The following KCNIP4 variants were observed in gnomAD, a reference collection of about 807,000 sequenced individuals.
KCNIP4 encodes Kv channel-interacting protein 4.
KCNIP4 carries 12 observed loss-of-function variants against 34.0 expected under a neutral mutation model. That is an observed-to-expected ratio of 0.35 (90% confidence interval 0.23 to 0.57). The LOEUF is 0.57. KCNIP4 is among the 20% of genes least tolerant of loss of function. The pLI is 0.83. For missense variants in KCNIP4, 238 were observed against 311.7 expected (o/e 0.76, Z 1.78); for synonymous variants, 124 against 102.2 (o/e 1.21, Z -1.29).
chr4:20,782,878 A>G (rs1306699542), intron 3 of KCNIP4, among the ~76,000 whole-genome samples: 2 of 152,148 alleles, frequency 1.3e-5, no homozygotes, highest in Non-Finnish European at 2.9e-5. Context: ...TCAGGCTGCA[A>G]ATTTTCCAAA....
intron 1 of KCNIP4, among the ~76,000 whole-genome samples, chr4:21,633,188 G>A (rs993953650): frequency 6.6e-6 from 1 of 152,278 alleles, no homozygotes; most frequent in South Asian, 2.1e-4. Context: ...TAACAGCTAT[G>A]TAAGGCATCT....
chr4:21,611,435 A>T (rs902209848), intron 1 of KCNIP4, among the ~76,000 whole-genome samples: 22 of 151,936 alleles, frequency 1.4e-4, no homozygotes, highest in African/African-American at 4.8e-4. Flanking sequence ...TGATCCAATC[A>T]CCTCCCATCA....
intron 1 of KCNIP4, among the ~76,000 whole-genome samples, chr4:21,321,097 A>G (rs1714360535): frequency 6.6e-6 from 1 of 152,138 alleles, no homozygotes; most frequent in African/African-American, 2.4e-5. Flanking sequence ...ATCTACTTCA[A>G]AAGACCTCAG....
At chr4:21,774,054 G>C (rs1295673333) in intron 1 of KCNIP4, among the ~76,000 whole-genome samples, 1 of 151,860 alleles carries the variant, frequency 6.6e-6, no homozygotes, top group African/African-American at 2.4e-5. Context: ...ATATGTTGCT[G>C]TTTTTGCGGT....
intron 1 of KCNIP4, among the ~76,000 whole-genome samples, chr4:20,959,055 G>T (rs535458421): frequency 2.6e-5 from 4 of 152,310 alleles, no homozygotes; most frequent in African/African-American, 9.6e-5. Flanking sequence ...AGATGGAAAA[G>T]GTTCCATTTA....
intron 1 of KCNIP4, among the ~76,000 whole-genome samples, chr4:21,927,349 T>C (rs1729308132): frequency 6.6e-6 from 1 of 152,138 alleles, no homozygotes; most frequent in African/African-American, 2.4e-5. Context: ...TATGGACATC[T>C]TTGGAGGCCC....
intron 1 of KCNIP4, among the ~76,000 whole-genome samples, chr4:21,693,288 C>T (rs551757575): frequency 5.9e-5 from 9 of 152,266 alleles, no homozygotes; most frequent in African/African-American, 9.6e-5. Context: ...AGGCTGGGCA[C>T]GGTGGCTCAT....
chr4:21,720,069 A>G (rs905219365), intron 1 of KCNIP4, among the ~76,000 whole-genome samples: 27 of 151,482 alleles, frequency 1.8e-4, no homozygotes, highest in Admixed American at 1.1e-3. Flanking sequence ...AGAAGAAGAA[A>G]AAAAAAACAG....
chr4:21,251,875 G>T (rs1216038405), intron 1 of KCNIP4, among the ~76,000 whole-genome samples: 1 of 147,672 alleles, frequency 6.8e-6, no homozygotes, highest in Non-Finnish European at 1.5e-5. Flanking sequence ...GGTGTGGGGA[G>T]GGGGGAGGGA....
intron 1 of KCNIP4, among the ~76,000 whole-genome samples, chr4:21,247,394 A>G (rs1431332285): frequency 6.6e-6 from 1 of 151,888 alleles, no homozygotes; most frequent in African/African-American, 2.4e-5. Flanking sequence ...ACTCTTCTCT[A>G]TAGGAGGGTA....
chr4:21,234,611 C>T lies in KCNIP4; in HGVS notation c.62-351902G>A, dbSNP rs987468430. Among the ~76,000 whole-genome samples the T allele has an allele frequency of 3.6e-5, 5 of 138,406 alleles. 1 individual carries two copies. The highest frequency in any genetic ancestry group is 2.2e-4 in the South Asian group (1 of 4,618). 90.8% of individuals were successfully genotyped at this position (138,406 alleles called of 152,430 possible). A position where few individuals can be genotyped will look rare whatever the true frequency, so the allele number is the denominator to read the frequency against. On this transcript the variant is annotated intron_variant, in intron 1 of 8. Coordinates refer to ENST00000382152, the MANE Select transcript of KCNIP4 (RefSeq NM_025221.6). ...CGTATATAATATATATTACATATAACGTATATAATATATATTACATATAAC... is the reference window on the plus strand; with the variant it reads ...CGTATATAATATATATTACATATAATGTATATAATATATATTACATATAAC...
At chr4:21,100,588 C>T (rs1376887066) in intron 1 of KCNIP4, among the ~76,000 whole-genome samples, 4 of 151,884 alleles carry the variant, frequency 2.6e-5, no homozygotes, top group Non-Finnish European at 4.4e-5. Flanking sequence ...TTGCCACAGC[C>T]ACACAACCTT....
At chr4:21,815,123 CA>C (rs1721912870) in intron 1 of KCNIP4, among the ~76,000 whole-genome samples, 1 of 152,042 alleles carries the variant, frequency 6.6e-6, no homozygotes, top group Non-Finnish European at 1.5e-5. Context: ...TCGTGTACAC[CA>C]GGTTAAGGTG....
intron 1 of KCNIP4, among the ~76,000 whole-genome samples, chr4:20,929,574 T>C (rs780098732): frequency 6.6e-6 from 1 of 151,850 alleles, no homozygotes; most frequent in Non-Finnish European, 1.5e-5. Flanking sequence ...AGCATTTAAG[T>C]CAGAAAGAAG....
chr4:21,182,957 T>G (rs962863282), intron 1 of KCNIP4, among the ~76,000 whole-genome samples: 1 of 152,132 alleles, frequency 6.6e-6, no homozygotes. Flanking sequence ...CTCTAAGTTA[T>G]TCCTCCTATC....
At chr4:21,885,764 T>C (rs1284096046) in intron 1 of KCNIP4, among the ~76,000 whole-genome samples, 1 of 152,172 alleles carries the variant, frequency 6.6e-6, no homozygotes, top group Non-Finnish European at 1.5e-5. Context: ...ATAAAATAGA[T>C]TGCTAGTTTG....
intron 1 of KCNIP4, among the ~76,000 whole-genome samples, chr4:20,913,099 T>C (rs1326527800): frequency 6.6e-6 from 1 of 152,116 alleles, no homozygotes; most frequent in Non-Finnish European, 1.5e-5. Flanking sequence ...AGCAGCATTA[T>C]TCACAGTAGC....
intron 1 of KCNIP4, among the ~76,000 whole-genome samples, chr4:21,384,696 C>G (rs188364429): frequency 2.3e-4 from 35 of 152,266 alleles, no homozygotes; most frequent in African/African-American, 4.6e-4. Flanking sequence ...AGAGAATTTG[C>G]CAACTGGTAT....
At chr4:21,229,138 G>A (rs1758620325) in intron 1 of KCNIP4, among the ~76,000 whole-genome samples, 1 of 152,052 alleles carries the variant, frequency 6.6e-6, no homozygotes, top group Non-Finnish European at 1.5e-5. Context: ...TGCCCCTTCT[G>A]CCTTAAAACT....
Sources: gnomAD v4.1 joint callset for allele counts (sites outside exome capture counted in the v4.1 genomes callset) on GRCh38, gnomAD v4.1.1 for gene constraint, MANE v1.5 for transcripts, NCBI Gene and HGNC (gene_info 2026-07-23, HGNC 2026-07-21) for gene names.